Variants in SH3GL2 observed in about 807,000 individuals in gnomAD.
The protein encoded by SH3GL2 is SH3 domain containing GRB2 like 2, endophilin A1.
SH3GL2 carries 24 observed loss-of-function variants against 46.0 expected under a neutral mutation model. The ratio of observed to expected loss-of-function variants is 0.52; its 90% CI spans 0.38 to 0.73. SH3GL2 has a LOEUF of 0.73. Ranked by LOEUF, SH3GL2 falls within the 30% of genes least tolerant of loss-of-function variation. The probability of loss-of-function intolerance (pLI) is 0.00; values close to 1 mark genes in which losing one functional copy is unlikely to be tolerated. For synonymous variants in SH3GL2, 196 were observed against 147.1 expected, an observed-to-expected ratio of 1.33 and a Z score of -2.40; for missense variants, 413 against 424.2, an observed-to-expected ratio of 0.97 and a Z score of 0.23.
intron 3 of SH3GL2, among the ~76,000 whole-genome samples, chr9:17,764,349 T>C (rs980821920): frequency 1.3e-5 from 2 of 152,158 alleles, no homozygotes; most frequent in Non-Finnish European, 2.9e-5. Flanking sequence ...ACACTGGCCA[T>C]AGAGCCCAGA....
intron 1 of SH3GL2, among the ~76,000 whole-genome samples, chr9:17,627,500 C>G (rs1819310606): frequency 6.6e-6 from 1 of 152,046 alleles, no homozygotes; most frequent in African/African-American, 2.4e-5. Flanking sequence ...CAAGCAGACC[C>G]TATCTGTTAT....
At chr9:17,676,446 A>G (rs1177372085) in intron 1 of SH3GL2, among the ~76,000 whole-genome samples, 5 of 152,074 alleles carry the variant, frequency 3.3e-5, no homozygotes, top group Non-Finnish European at 5.9e-5. Flanking sequence ...TCTCTACTGA[A>G]AATACTAAAA....
At chr9:17,631,282 G>A (rs1004703915) in intron 1 of SH3GL2, among the ~76,000 whole-genome samples, 5 of 152,200 alleles carry the variant, frequency 3.3e-5, no homozygotes, top group African/African-American at 1.2e-4. Context: ...GATGTTGAGA[G>A]GAGAGTCGGT....
intron 1 of SH3GL2, among the ~76,000 whole-genome samples, chr9:17,622,963 C>T (rs1488239387): frequency 9.5e-6 from 1 of 105,002 alleles, no homozygotes; most frequent in African/African-American, 3.3e-5. Context: ...CTTCCTCCCT[C>T]CCTTTTCCTT....
chr9:17,681,703 G>A (rs1376217779), intron 1 of SH3GL2, among the ~76,000 whole-genome samples: 1 of 152,058 alleles, frequency 6.6e-6, no homozygotes, highest in African/African-American at 2.4e-5. Context: ...ATTGGCAAAT[G>A]GAGGATCTCA....
chr9:17,701,245 C>T (rs148450280), intron 1 of SH3GL2, among the ~76,000 whole-genome samples: 1 of 152,152 alleles, frequency 6.6e-6, no homozygotes, highest in Non-Finnish European at 1.5e-5. Context: ...AGTTGAAAAT[C>T]TCTTGCTACA....
intron 1 of SH3GL2, among the ~76,000 whole-genome samples, chr9:17,689,961 A>G (rs1452619411): frequency 6.6e-6 from 1 of 152,152 alleles, no homozygotes; most frequent in Non-Finnish European, 1.5e-5. Flanking sequence ...ACTCCAGGCA[A>G]GTGGTAGGTA....
rs563617597 is a variant in SH3GL2 at position 17,664,897 on chromosome 9, T to C, written c.46-82169T>C. 1.9e-3 allele frequency among the ~76,000 whole-genome samples: 281 copies of C among 151,824 alleles called. 1 individual carries two copies. The highest frequency in any genetic ancestry group is 6.4e-3 in the African/African-American group (266 of 41,422). On this transcript the variant is annotated intron_variant, in intron 1 of 8. Coordinates refer to ENST00000380607, the MANE Select transcript of SH3GL2 (RefSeq NM_003026.5). ...ACCACAAGGGAATATTTACGAAGAG[T>C]TTCTTTGCTTGAAAAAAAAATTATT...
chr9:17,584,118 A>T (rs958394432), intron 1 of SH3GL2, among the ~76,000 whole-genome samples: 3 of 152,204 alleles, frequency 2.0e-5, no homozygotes, highest in African/African-American at 7.2e-5. Flanking sequence ...GTAACATTTT[A>T]TACATGCATT....
intron 1 of SH3GL2, among the ~76,000 whole-genome samples, chr9:17,746,693 G>T (rs1822697876): frequency 6.6e-6 from 1 of 152,170 alleles, no homozygotes; most frequent in Non-Finnish European, 1.5e-5. Flanking sequence ...TTTCTGCATA[G>T]GTAGCATTTG....
chr9:17,785,311 A>G (rs893115194), intron 3 of SH3GL2, among the ~76,000 whole-genome samples: 2 of 152,204 alleles, frequency 1.3e-5, no homozygotes, highest in African/African-American at 4.8e-5. Flanking sequence ...CCCTCAGTTC[A>G]TTATAAACTT....
chr9:17,651,242 C>T (rs73645112), intron 1 of SH3GL2, among the ~76,000 whole-genome samples: 59 of 152,136 alleles, frequency 3.9e-4, no homozygotes, highest in African/African-American at 1.4e-3. Flanking sequence ...GTTAAGCTTC[C>T]TCAAATTCCT....
intron 1 of SH3GL2, among the ~76,000 whole-genome samples, chr9:17,613,902 A>G (rs953660993): frequency 2.0e-5 from 3 of 152,150 alleles, no homozygotes; most frequent in Non-Finnish European, 2.9e-5. Flanking sequence ...TAAATTACCA[A>G]TGCCTTATTT....
At chr9:17,639,842 C>G (rs1819632520) in intron 1 of SH3GL2, among the ~76,000 whole-genome samples, 1 of 152,048 alleles carries the variant, frequency 6.6e-6, no homozygotes, top group Non-Finnish European at 1.5e-5. Context: ...CTTAATGAAA[C>G]TTTTAAAAGT....
intron 1 of SH3GL2, among the ~76,000 whole-genome samples, chr9:17,607,502 G>C (rs1818781814): frequency 6.6e-6 from 1 of 152,156 alleles, no homozygotes; most frequent in Non-Finnish European, 1.5e-5. Flanking sequence ...TGACATAGCT[G>C]AGTTTTTCAG....
At chr9:17,731,020 T>G (rs1822163948) in intron 1 of SH3GL2, among the ~76,000 whole-genome samples, 1 of 152,160 alleles carries the variant, frequency 6.6e-6, no homozygotes, top group Non-Finnish European at 1.5e-5. Flanking sequence ...GAGAGCCATA[T>G]GTTCTTATGC....
intron 1 of SH3GL2, among the ~76,000 whole-genome samples, chr9:17,625,596 GT>G (rs1819263518): frequency 6.6e-6 from 1 of 152,248 alleles, no homozygotes; most frequent in African/African-American, 2.4e-5. Context: ...AATGGGGAAA[GT>G]TAGTCTCTTT....
chr9:17,776,522 C>CA (rs1200739755), intron 3 of SH3GL2, among the ~76,000 whole-genome samples: 2 of 152,138 alleles, frequency 1.3e-5, no homozygotes, highest in Non-Finnish European at 2.9e-5. Context: ...TTTAGAGACA[C>CA]ACACACAAAA....
chr9:17,595,378 G>A (rs1335406114), intron 1 of SH3GL2, among the ~76,000 whole-genome samples: 1 of 152,172 alleles, frequency 6.6e-6, no homozygotes, highest in Non-Finnish European at 1.5e-5. Context: ...AAATCAGACA[G>A]CAATATCTGA....
Sources: gnomAD v4.1 joint callset for allele counts (sites outside exome capture counted in the v4.1 genomes callset) on GRCh38, gnomAD v4.1.1 for gene constraint, MANE v1.5 for transcripts, NCBI Gene and HGNC (gene_info 2026-07-23, HGNC 2026-07-21) for gene names.